The following CACNA1H variants were observed in gnomAD, a reference collection of about 807,000 sequenced individuals.
CACNA1H encodes the protein voltage-dependent T-type calcium channel subunit alpha-1H.
Under a neutral mutation model 192.5 loss-of-function variants are expected in CACNA1H, and 149 were observed. The ratio of observed to expected loss-of-function variants is 0.77; its 90% CI spans 0.68 to 0.89. The LOEUF is 0.89. Ranked by LOEUF, CACNA1H falls within the 40% of genes least tolerant of loss-of-function variation. CACNA1H has a pLI of 0.00. For missense variants in CACNA1H, 4,257 were observed against 3,423.5 expected (o/e 1.24, Z -6.08); for synonymous variants, 2,202 against 1,475.2 (o/e 1.49, Z -11.29).
In CACNA1H at chr16:1,220,668, G is replaced by A. The variant is rs1970413902; in HGVS notation, c.6736G>A (p.Ala2246Thr). ...CTCAGGCGCCGGGGGGGACCCTGCA[G>A]CCAAGGGGGAGCGCTGGGGCCAGGC... is the stretch of plus-strand genomic sequence containing the variant. ...EGSGAGGDPA[A>T]KGERWGQASC... is the part of the protein sequence containing the mutation. Residue 2246 changes from alanine to threonine, a missense_variant, in exon 35 of 35, where the codon GCC (alanine) becomes ACC (threonine). Coordinates refer to ENST00000348261, the MANE Select transcript of CACNA1H (RefSeq NM_021098.3). The A allele has an allele frequency of 1.1e-5, 17 of 1,608,112 alleles. No homozygotes were observed. The highest frequency in any genetic ancestry group is 1.7e-5 in the Admixed American group (1 of 59,246).
Position 1,204,143 on chromosome 16 carries a change from T to C in CACNA1H, c.2136T>C (p.Gly712=), listed in dbSNP as rs996560193. Residue 712 remains glycine, a synonymous_variant, in exon 10 of 35, where the codon GGT becomes GGC. Coordinates refer to ENST00000348261, the MANE Select transcript of CACNA1H (RefSeq NM_021098.3). ...CCCGTGCCCTGGAGGACCCGGAGGG[T>C]GAGCTCAGCGGCTCGGAAAGTGGAG... ...YCTRALEDPE[G]ELSGSESGDS... 2.5e-6 allele frequency: 4 copies of C among 1,612,154 alleles called. No individual in the cohort carries two copies. Among genetic ancestry groups the C allele is most frequent in the African/African-American group, 2.7e-5 (2 of 74,860 alleles).
intron 2 of CACNA1H, among the ~76,000 whole-genome samples, chr16:1,155,343 G>T (rs1034940205): frequency 6.6e-6 from 1 of 152,190 alleles, no homozygotes; most frequent in Non-Finnish European, 1.5e-5. Context: ...GGGTGTCCCC[G>T]GGAGCCGAGG....
At chr16:1,190,206 AG>A (rs1966476099) in intron 2 of CACNA1H, among the ~76,000 whole-genome samples, 3 of 152,218 alleles carry the variant, frequency 2.0e-5, no homozygotes, top group Admixed American at 2.0e-4. Context: ...GCCCCCTCCC[AG>A]GGCTGTTCCC....
rs1555515663 is a variant in CACNA1H at position 1,209,268 on chromosome 16, C to T, written c.3600C>T (p.Asp1200=). The change falls in exon 17 of 35, where the codon GAC becomes GAT. Residue 1200 remains aspartate, a synonymous_variant. Transcript: ENST00000348261. ...CACTGCGGCGGGCCGAGTCCCTGGA[C>T]CCACGGCCCCTGCGGCCGGCCGCCC... is the stretch of plus-strand genomic sequence containing the variant. ...ATPLRRAESL[D]PRPLRPAALP... is the part of the protein sequence containing the mutation. The T allele has an allele frequency of 1.3e-6, 2 of 1,552,220 alleles. No homozygotes were observed. Among genetic ancestry groups the T allele is most frequent in the African/African-American group, 2.7e-5 (2 of 73,444 alleles).
rs374483400 is a variant in CACNA1H, at chr16:1,204,176, T to C, written c.2169T>C (p.Asp723=). 46 of 1,612,212 alleles carry C rather than the reference T, an allele frequency of 2.9e-5. No individual in the cohort carries two copies. The highest frequency in any genetic ancestry group is 3.9e-5 in the Non-Finnish European group (46 of 1,179,706). ...GCGGCTCGGAAAGTGGAGACTCAGA[T>C]GGCCGTGGCGTCTATGAATTCACGC... ...ELSGSESGDS[D]GRGVYEFTQD... is the part of the protein sequence containing the mutation. The change falls in exon 10 of 35, where the codon GAT becomes GAC. Residue 723 remains aspartate (D), a synonymous_variant. Transcript: ENST00000348261.
intron 2 of CACNA1H, among the ~76,000 whole-genome samples, chr16:1,183,156 G>A (rs796407601): frequency 3.2e-4 from 48 of 152,106 alleles, no homozygotes; most frequent in African/African-American, 1.1e-3. Flanking sequence ...CAGGCATGGA[G>A]CCCTGGAACC....
Position 1,198,620 on chromosome 16 carries a change from C to T in CACNA1H, c.649C>T (p.Arg217Trp), listed in dbSNP as rs866790182. The T allele has an allele frequency of 6.8e-6, 11 of 1,612,610 alleles. No homozygotes were observed. The highest frequency in any genetic ancestry group is 2.2e-5 in the East Asian group (1 of 44,888). ...LRAINRVPSMRILVTLLLDTL... is the reference protein window; with the variant it reads ...LRAINRVPSMWILVTLLLDTL... ...CCTGGCCCTGCTGCCCACAGGCATGCGGATCCTGGTCACTCTGCTGCTGGA... is the reference window on the plus strand; with the variant it reads ...CCTGGCCCTGCTGCCCACAGGCATGTGGATCCTGGTCACTCTGCTGCTGGA... The change falls in exon 6 of 35, where the codon CGG becomes TGG. Residue 217 changes from arginine (R) to tryptophan (W), a missense_variant. Coordinates refer to ENST00000348261, the MANE Select transcript of CACNA1H (RefSeq NM_021098.3).
intron 5 of CACNA1H, among the ~76,000 whole-genome samples, chr16:1,196,688 G>C (rs559838489): frequency 1.3e-5 from 2 of 152,320 alleles, no homozygotes; most frequent in South Asian, 4.1e-4. Flanking sequence ...GCCTGGTGGA[G>C]AGGAGCTGCT....
rs367607849 is a variant in CACNA1H, at chr16:1,220,167, G to C, written c.6235G>C (p.Val2079Leu). 1 of 1,520,950 alleles carries C rather than the reference G, an allele frequency of 6.6e-7. No individual in the cohort carries two copies. The highest frequency in any genetic ancestry group is 1.4e-5 in the African/African-American group (1 of 69,526). The allele number at this position is 1,520,950 out of a possible 1,614,324, so 94.2% of individuals were successfully genotyped here. The change falls in exon 35 of 35, where the codon GTC becomes CTC. Residue 2079 changes from valine to leucine, a missense_variant. By Grantham distance (32) the Val-to-Leu change is conservative. Transcript: ENST00000348261. ...TRKHTFGQRC[V>L]SSRPAAPGGE... ...TAAGCATACCTTCGGACAGCGCTGCGTCTCCAGCCGGCCGGCGGCCCCAGG... is the reference window on the plus strand; with the variant it reads ...TAAGCATACCTTCGGACAGCGCTGCCTCTCCAGCCGGCCGGCGGCCCCAGG...
In CACNA1H at chr16:1,207,350, T is replaced by C. The variant is rs1968857570; in HGVS notation, c.2983T>C (p.Phe995Leu). 6.2e-7 allele frequency: 1 copy of C among 1,612,820 alleles called. No homozygotes were observed. Among genetic ancestry groups the C allele is most frequent in the Non-Finnish European group, 8.5e-7 (1 of 1,179,698 alleles). ...CACCTCCTCCTGGGCCGCCCTCTAC[T>C]TCGTGGCCCTCATGACCTTCGGCAA... ...ASTSSWAALY[F>L]VALMTFGNYV... Residue 995 changes from phenylalanine (F) to leucine (L), a missense_variant, in exon 14 of 35, where the codon TTC becomes CTC. Transcript: ENST00000348261.
chr16:1,192,940 GCACCCACAGGACAAGCAGTCCCAC>G (rs904100932), intron 2 of CACNA1H, among the ~76,000 whole-genome samples: 16 of 151,980 alleles, frequency 1.1e-4, no homozygotes, highest in African/African-American at 3.6e-4. Context: ...GCGGTCCGAG[GCACCCACAGGACAAGCAGTCCCAC>G]CACCCCCCAT....
At position 1,207,116 on chromosome 16, in the gene CACNA1H, C is replaced by T. The variant is rs1968824906; in HGVS notation, c.2905C>T (p.Gln969Ter). ...SLLWAIVTVF[Q>*]ILTQEDWNVV... ...GCTGTGGGCCATCGTCACCGTGTTC[C>T]AGGTAGTGCCCGGGGTCCCCGCAGC... Residue 969 changes from glutamine (Q) to a stop codon, truncating the protein, a stop_gained and splice_region_variant, in exon 13 of 35, where the codon CAG (glutamine) becomes TAG (stop). Transcript: ENST00000348261. LOFTEE classifies it high-confidence loss of function. The T allele has an allele frequency of 2.5e-6, 4 of 1,585,384 alleles. No homozygotes were observed. The highest frequency in any genetic ancestry group is 2.3e-5 in the South Asian group (2 of 87,168).
intron 2 of CACNA1H, among the ~76,000 whole-genome samples, chr16:1,155,308 C>T (rs1414606428): frequency 6.6e-6 from 1 of 152,198 alleles, no homozygotes; most frequent in African/African-American, 2.4e-5. Flanking sequence ...CCTCTGTAGC[C>T]TCAGGGTGGT....
chr16:1,198,050 T>G (rs993402771), intron 5 of CACNA1H, among the ~76,000 whole-genome samples: 5 of 152,130 alleles, frequency 3.3e-5, no homozygotes, highest in African/African-American at 1.2e-4. Flanking sequence ...CTGGCAGGAT[T>G]CTCACTGGGA....
chr16:1,170,188 G>A (rs1404841472), intron 2 of CACNA1H, among the ~76,000 whole-genome samples: 1 of 152,142 alleles, frequency 6.6e-6, no homozygotes, highest in African/African-American at 2.4e-5. Context: ...AGCCCACCCG[G>A]GTGTGTCCCA....
In CACNA1H at chr16:1,215,269, G is replaced by A. The variant is rs1202169745; in HGVS notation, c.5067G>A (p.Val1689=). 6.2e-7 allele frequency: 1 copy of A among 1,606,758 alleles called. No individual in the cohort carries two copies. Residue 1689 remains valine (V), a synonymous_variant, in exon 29 of 35, where the codon GTG becomes GTA. Transcript: ENST00000348261. Reference sequence around the variant, plus strand: ...GGAACCAGCTGGACCTGGCCATCGTGCTGCTGTCACTCATGGGCATCACGC... The same window carrying A: ...GGAACCAGCTGGACCTGGCCATCGTACTGCTGTCACTCATGGGCATCACGC... ...DRWNQLDLAI[V]LLSLMGITLE... is the part of the protein sequence containing the mutation.
At chr16:1,191,345 G>GTT (rs1966598522) in intron 2 of CACNA1H, among the ~76,000 whole-genome samples, 2 of 108,448 alleles carry the variant, frequency 1.8e-5, no homozygotes, top group Admixed American at 8.6e-5. Flanking sequence ...CACACTCGGG[G>GTT]TCTCTGACCC....
chr16:1,214,529 C>A (rs756809732), intron 27 of CACNA1H, among the ~76,000 whole-genome samples: 2 of 152,164 alleles, frequency 1.3e-5, no homozygotes, highest in Non-Finnish European at 2.9e-5. Flanking sequence ...GCAGTACCTC[C>A]CAGCCCAGCC....
At position 1,200,216 on chromosome 16, in the gene CACNA1H, C is replaced by A. The variant is rs370704991; in HGVS notation, c.804-40C>A. ...GCCCCCGACTCTGACCGTCCCTGAC[C>A]CTGATTGTACCTTTTGGCCCTGGCT... is the stretch of plus-strand genomic sequence containing the variant. On this transcript the variant is annotated intron_variant, in intron 6 of 34. Transcript: ENST00000348261. 3.9e-6 allele frequency: 6 copies of A among 1,529,280 alleles called. No individual in the cohort carries two copies. The African/African-American group carries it at 5.5e-5, about 14-fold the overall frequency. 94.7% of individuals were successfully genotyped at this position (1,529,280 alleles called of 1,614,324 possible). A position where few individuals can be genotyped will look rare whatever the true frequency, so the allele number is the denominator to read the frequency against.
Sources: gnomAD v4.1 joint callset for allele counts (sites outside exome capture counted in the v4.1 genomes callset) on GRCh38, gnomAD v4.1.1 for gene constraint, MANE v1.5 for transcripts, NCBI Gene and HGNC (gene_info 2026-07-23, HGNC 2026-07-21) for gene names.